The following LRP1B variants were observed in gnomAD, a reference collection of about 807,000 sequenced individuals.
LRP1B encodes the protein low-density lipoprotein receptor-related protein 1B.
LRP1B carries 217 observed loss-of-function variants against 556.6 expected under a neutral mutation model. The observed-to-expected ratio is 0.39, with a 90% CI of 0.35 to 0.44. The LOEUF (loss-of-function observed/expected upper bound fraction) is 0.44. Ranked by LOEUF, LRP1B falls within the 20% of genes least tolerant of loss-of-function variation. The probability of loss-of-function intolerance (pLI) is 1.00; values close to 1 mark genes in which losing one functional copy is unlikely to be tolerated. For synonymous variants in LRP1B, 2,047 were observed against 1,865.8 expected (o/e 1.10, Z -2.50); for missense variants, 5,053 against 5,620.8 (o/e 0.90, Z 3.23).
At chr2:140,421,456 T>C (rs1386859172) in intron 66 of LRP1B, among the ~76,000 whole-genome samples, 1 of 152,190 alleles carries the variant, frequency 6.6e-6, no homozygotes, top group African/African-American at 2.4e-5. Flanking sequence ...GAATACATTT[T>C]TTTTCTTGCC....
At chr2:140,937,392 GT>G (rs1379175724) in intron 20 of LRP1B, among the ~76,000 whole-genome samples, 1 of 152,076 alleles carries the variant, frequency 6.6e-6, no homozygotes, top group African/African-American at 2.4e-5. Flanking sequence ...GATACTTAGA[GT>G]TATAAAAAGC....
At position 141,929,014 on chromosome 2, in the gene LRP1B, G is replaced by C. The variant is rs934808288; in HGVS notation, c.83-118613C>G. On this transcript the variant is annotated intron_variant, in intron 1 of 90. Coordinates refer to ENST00000389484, the MANE Select transcript of LRP1B (RefSeq NM_018557.3). ...TTGAGAAATAGACAGCTGCCTTAGA[G>C]GGTCTGTGGTTTGATTCATTTTTGC... 3.9e-5 allele frequency among the ~76,000 whole-genome samples: 6 copies of C among 152,170 alleles called. No homozygotes were observed. In the East Asian group the frequency reaches 1.2e-3, roughly 29 times the overall value.
intron 2 of LRP1B, among the ~76,000 whole-genome samples, chr2:141,499,812 G>A (rs1574017051): frequency 1.3e-5 from 2 of 151,780 alleles, no homozygotes; most frequent in Non-Finnish European, 2.9e-5. Context: ...GTTAGTATTC[G>A]GCATCAGGTT....
intron 34 of LRP1B, 43 bp downstream of exon 34, chr2:140,770,838 T>C (rs1689285141): frequency 1.3e-6 from 2 of 1,492,496 alleles, no homozygotes; most frequent in Non-Finnish European, 8.9e-7. Context: ...TAATGATTAG[T>C]GAAGTAAATG....
At chr2:141,414,858 G>A (rs1487103307) in intron 3 of LRP1B, among the ~76,000 whole-genome samples, 1 of 152,178 alleles carries the variant, frequency 6.6e-6, no homozygotes, top group Non-Finnish European at 1.5e-5. Flanking sequence ...ATGTTCAACA[G>A]AACATTTAAA....
At chr2:141,138,757 G>A (rs879635579) in intron 7 of LRP1B, among the ~76,000 whole-genome samples, 1 of 151,734 alleles carries the variant, frequency 6.6e-6, no homozygotes, top group Admixed American at 6.6e-5. Context: ...TTGTTTATGG[G>A]GTAGAAGGCA....
intron 32 of LRP1B, among the ~76,000 whole-genome samples, chr2:140,813,092 G>C (rs558591072): frequency 6.6e-6 from 1 of 152,056 alleles, no homozygotes; most frequent in East Asian, 1.9e-4. Flanking sequence ...CTCCCTTTTA[G>C]CTTCCTAATC....
intron 66 of LRP1B, among the ~76,000 whole-genome samples, chr2:140,411,713 A>T (rs2105248245): frequency 6.6e-6 from 1 of 151,758 alleles, no homozygotes; most frequent in East Asian, 1.9e-4. Flanking sequence ...CTATTAAATG[A>T]GGATAATAAC....
intron 4 of LRP1B, among the ~76,000 whole-genome samples, chr2:141,249,634 G>A (rs1180803639): frequency 1.3e-5 from 2 of 151,676 alleles, no homozygotes; most frequent in South Asian, 4.2e-4. Flanking sequence ...AAGAAAGAAA[G>A]AAAGAGGAGT....
intron 2 of LRP1B, among the ~76,000 whole-genome samples, chr2:141,625,304 G>T (rs1688668058): frequency 6.6e-6 from 1 of 152,006 alleles, no homozygotes; most frequent in African/African-American, 2.4e-5. Flanking sequence ...CCTTGAGTGA[G>T]GTAATTAATA....
chr2:141,347,159 C>A (rs1176696319), intron 3 of LRP1B, among the ~76,000 whole-genome samples: 1 of 152,018 alleles, frequency 6.6e-6, no homozygotes, highest in Non-Finnish European at 1.5e-5. Flanking sequence ...GGTTTTTTAA[C>A]TTCACATGGA....
intron 1 of LRP1B, among the ~76,000 whole-genome samples, chr2:141,985,257 GCA>G (rs1702153402): frequency 6.6e-6 from 1 of 152,104 alleles, no homozygotes; most frequent in Non-Finnish European, 1.5e-5. Context: ...TAGAGGAGTA[GCA>G]AATCAGGTCA....
At chr2:140,599,226 T>C (rs768595680) in intron 42 of LRP1B, among the ~76,000 whole-genome samples, 5 of 152,270 alleles carry the variant, frequency 3.3e-5, no homozygotes, top group South Asian at 2.1e-4. Flanking sequence ...CAATCATTCT[T>C]ATCCTAAGTA....
chr2:141,448,405 C>T (rs1681278854), intron 3 of LRP1B, among the ~76,000 whole-genome samples: 1 of 152,132 alleles, frequency 6.6e-6, no homozygotes, highest in Non-Finnish European at 1.5e-5. Context: ...GCTTCAGCTC[C>T]CATACCAGGG....
In LRP1B at chr2:140,291,318, A is replaced by ATTTTTTT. The variant is rs1553440648; in HGVS notation, c.12967+6489_12967+6490insAAAAAAA. On this transcript the variant is annotated intron_variant, in intron 84 of 90. Transcript: ENST00000389484. ...TTATTTTATATATATATATATATAT[A>ATTTTTTT]TTTTTATTATACTTTAAGTTCTAGG... is the stretch of plus-strand genomic sequence containing the variant. 7.8e-3 allele frequency among the ~76,000 whole-genome samples: 852 copies of ATTTTTTT among 109,310 alleles called. 19 individuals are homozygous for ATTTTTTT. The highest frequency in any genetic ancestry group is 0.024 in the African/African-American group (810 of 33,804). 71.7% of individuals were successfully genotyped at this position (109,310 alleles called of 152,430 possible).
intron 1 of LRP1B, among the ~76,000 whole-genome samples, chr2:142,010,554 C>CAAAAA (rs33927334): frequency 2.2e-3 from 130 of 60,150 alleles, no homozygotes; most frequent in Admixed American, 2.5e-3. Flanking sequence ...GATTCTGTCT[C>CAAAAA]AAAAAAAAAA....
intron 25 of LRP1B, among the ~76,000 whole-genome samples, chr2:140,877,049 T>C (rs1194975170): frequency 6.6e-6 from 1 of 152,164 alleles, no homozygotes; most frequent in Non-Finnish European, 1.5e-5. Flanking sequence ...AATAATGCTT[T>C]CATTTTTTTT....
chr2:141,927,816 C>T (rs536277497), intron 1 of LRP1B, among the ~76,000 whole-genome samples: 1 of 151,164 alleles, frequency 6.6e-6, no homozygotes, highest in African/African-American at 2.4e-5. Flanking sequence ...TTCTGCTTTT[C>T]CCCATCTTCC....
rs1685450698 is a variant in LRP1B, at chr2:141,544,359, T to TTCTTCTTCTTCC, written c.206-63827_206-63826insGGAAGAAGAAGA. ...CTTCTTCTTCTTCTTCTTCTTCTTC[T>TTCTTCTTCTTCC]TCTTCTTCTTCTTCTTCTTCTTCTC... is the stretch of plus-strand genomic sequence containing the variant. On this transcript the variant is annotated intron_variant, in intron 2 of 90. Transcript: ENST00000389484. 5.2e-5 allele frequency among the ~76,000 whole-genome samples: 5 copies of TTCTTCTTCTTCC among 96,684 alleles called. No individual in the cohort carries two copies. In the South Asian group the frequency reaches 2.0e-3, roughly 39 times the overall value. The allele number at this position is 96,684 out of a possible 152,430, so 63.4% of individuals were successfully genotyped here.
Sources: allele counts gnomAD v4.1 joint callset (sites outside exome capture counted in the v4.1 genomes callset), GRCh38; gene constraint gnomAD v4.1.1; transcripts MANE v1.5; gene names NCBI Gene and HGNC (gene_info 2026-07-23, HGNC 2026-07-21).